Variants in CBLB observed in about 807,000 individuals in gnomAD.
The protein encoded by CBLB is E3 ubiquitin-protein ligase CBL-B.
CBLB carries 31 observed loss-of-function variants against 104.9 expected under a neutral mutation model. That is an observed-to-expected ratio of 0.30 (90% CI 0.22 to 0.40). CBLB has a LOEUF of 0.40. Among genes scored for constraint, CBLB ranks in the 10% least tolerant of loss-of-function variants. CBLB has a pLI of 1.00. For synonymous variants in CBLB, 440 were observed against 422.6 expected, an observed-to-expected ratio of 1.04 and a Z score of -0.51; for missense variants, 1,062 against 1,214.6, an observed-to-expected ratio of 0.87 and a Z score of 1.87.
At chr3:105,788,743 G>A (rs2152990797) in intron 3 of CBLB, among the ~76,000 whole-genome samples, 1 of 152,244 alleles carries the variant, frequency 6.6e-6, no homozygotes, top group East Asian at 1.9e-4. Flanking sequence ...CCAACACAGG[G>A]GAGTCTATTT....
At chr3:105,676,470 A>C (rs1236350192) in intron 17 of CBLB, among the ~76,000 whole-genome samples, 2 of 152,204 alleles carry the variant, frequency 1.3e-5, no homozygotes, top group African/African-American at 4.8e-5. Context: ...GAAAAGCCAC[A>C]TCATCAAAGT....
chr3:105,693,520 T>C lies in CBLB; in HGVS notation c.2028A>G (p.Pro676=). The C allele has an allele frequency of 1.9e-6, 3 of 1,611,562 alleles. No individual in the cohort carries two copies. The highest frequency in any genetic ancestry group is 2.5e-6 in the Non-Finnish European group (3 of 1,178,042). ...DVPPRLSPPP[P]VTTLLPSIKC... ...TTATGCTAGGGAGGAGGGTGGTAAC[T>C]GGAGGAGGAGGAGAAAGCCGGGGAG... is the stretch of plus-strand genomic sequence containing the variant. The change falls in exon 13 of 19, where the codon CCA becomes CCG. Residue 676 remains proline, a synonymous_variant. Coordinates refer to ENST00000394030, the MANE Select transcript of CBLB (RefSeq NM_170662.5).
At chr3:105,678,400 T>C (rs1304357960) in intron 17 of CBLB, 31 bp downstream of exon 17, 1 of 1,609,052 alleles carries the variant, frequency 6.2e-7, no homozygotes, top group Non-Finnish European at 8.5e-7. Flanking sequence ...TTGCTTTAAG[T>C]GAATAGTTTT....
At chr3:105,691,313 G>C (rs1248976872) in intron 13 of CBLB, among the ~76,000 whole-genome samples, 1 of 152,162 alleles carries the variant, frequency 6.6e-6, no homozygotes, top group Non-Finnish European at 1.5e-5. Flanking sequence ...TATTTCTCTA[G>C]TTAAGTGAAA....
At chr3:105,727,391 A>G (rs1210999881) in intron 9 of CBLB, among the ~76,000 whole-genome samples, 1 of 150,128 alleles carries the variant, frequency 6.7e-6, no homozygotes, top group Non-Finnish European at 1.5e-5. Context: ...CCACTTTTTG[A>G]CTTTGTTTTT....
At chr3:105,774,128 G>C (rs2079188860) in intron 4 of CBLB, among the ~76,000 whole-genome samples, 1 of 152,188 alleles carries the variant, frequency 6.6e-6, no homozygotes, top group Non-Finnish European at 1.5e-5. Context: ...TCTGTTTTAG[G>C]AAAGAATGCT....
intron 18 of CBLB, among the ~76,000 whole-genome samples, chr3:105,660,415 C>T (rs1353583230): frequency 6.6e-6 from 1 of 151,836 alleles, no homozygotes; most frequent in Non-Finnish European, 1.5e-5. Context: ...TGGTCTTGAA[C>T]TCCTGACCTC....
intron 3 of CBLB, among the ~76,000 whole-genome samples, chr3:105,824,861 C>T (rs2086363385): frequency 2.0e-5 from 3 of 152,178 alleles, no homozygotes; most frequent in South Asian, 4.1e-4. Context: ...CTTGTTTAGA[C>T]TTAGACCTAC....
At chr3:105,754,529 G>GGGAGAGAC (rs2076891855) in intron 4 of CBLB, among the ~76,000 whole-genome samples, 3 of 84,610 alleles carry the variant, frequency 3.5e-5, no homozygotes, top group Admixed American at 1.4e-4. Flanking sequence ...GAGACAGAGA[G>GGGAGAGAC]AGAGAGAGAG....
chr3:105,772,783 C>A (rs2079011951), intron 4 of CBLB, among the ~76,000 whole-genome samples: 1 of 152,178 alleles, frequency 6.6e-6, no homozygotes, highest in Non-Finnish European at 1.5e-5. Flanking sequence ...CATCACTAAT[C>A]ATCGGGGAAA....
At chr3:105,809,708 T>C (rs1428905071) in intron 3 of CBLB, among the ~76,000 whole-genome samples, 2 of 152,194 alleles carry the variant, frequency 1.3e-5, no homozygotes, top group Non-Finnish European at 2.9e-5. Context: ...TGCCAAACAC[T>C]GTTCTTATTG....
Position 105,868,846 on chromosome 3 carries a change from A to T in CBLB, c.-125T>A. On this transcript the variant is annotated 5_prime_UTR_variant, in exon 1 of 19. Transcript: ENST00000394030. ...GGCTGGGAGTGGGATCGCTGAGAAC[A>T]GCTCGCTCCCGAAGAAGGAGCAACC... The T allele has an allele frequency of 9.9e-7, 1 of 1,008,528 alleles. No homozygotes were observed. The highest frequency in any genetic ancestry group is 6.0e-5 in the Admixed American group (1 of 16,730). The allele number at this position is 1,008,528 out of a possible 1,614,324, so 62.5% of individuals were successfully genotyped here. A position where few individuals can be genotyped will look rare whatever the true frequency, so the allele number is the denominator to read the frequency against.
At chr3:105,660,319 C>T (rs978588926) in intron 18 of CBLB, among the ~76,000 whole-genome samples, 1 of 151,916 alleles carries the variant, frequency 6.6e-6, no homozygotes, top group Non-Finnish European at 1.5e-5. Context: ...TCCCAAGTAG[C>T]TGGGATTACA....
Position 105,839,721 on chromosome 3 carries a change from T to C in CBLB, c.419+13693A>G, listed in dbSNP as rs150273349. ...TGAGCATGGCTCCGCCATTGAAAAT[T>C]TACTCACAGAAGGAAATACAACCTG... On this transcript the variant is annotated intron_variant, in intron 3 of 18. Transcript: ENST00000394030. 1.4e-3 allele frequency among the ~76,000 whole-genome samples: 207 copies of C among 152,342 alleles called. 1 individual carries two copies. Among genetic ancestry groups the C allele is most frequent in the Admixed American group, 0.011 (171 of 15,304 alleles).
intron 8 of CBLB, 102 bp from the exon 9 acceptor site, chr3:105,734,242 A>C: frequency 1.4e-3 from 1,489 of 1,102,792 alleles, no homozygotes; most frequent in Non-Finnish European, 1.9e-3. Context: ...TCAATATCTC[A>C]CAATTGACCT....
chr3:105,864,299 C>A (rs745811677), intron 2 of CBLB, among the ~76,000 whole-genome samples: 2 of 152,178 alleles, frequency 1.3e-5, no homozygotes, highest in Non-Finnish European at 2.9e-5. Context: ...TCTTGTCTAG[C>A]TTCATATCCC....
At position 105,796,620 on chromosome 3, in the gene CBLB, A is replaced by C. The variant is rs141143758; in HGVS notation, c.420-20078T>G. Among the ~76,000 whole-genome samples, 977 of 152,350 alleles carry C rather than the reference A, an allele frequency of 6.4e-3. 31 individuals carry two copies. Among genetic ancestry groups the C allele is most frequent in the East Asian group, 0.052 (272 of 5,186 alleles). On this transcript the variant is annotated intron_variant, in intron 3 of 18. Coordinates refer to ENST00000394030, the MANE Select transcript of CBLB (RefSeq NM_170662.5). ...CTTAATTAAAGAGCTTCTGCACAGC[A>C]AAAGAAACTATCAACAGAGTAAACA...
Position 105,737,235 on chromosome 3 carries a change from C to T in CBLB, c.1007G>A (p.Ser336Asn), listed in dbSNP as rs754964240. The change falls in exon 8 of 19, where the codon AGT (serine) becomes AAT (asparagine). Residue 336 changes from serine (S) to asparagine (N), a missense_variant. Coordinates refer to ENST00000394030, the MANE Select transcript of CBLB (RefSeq NM_170662.5). ...EGFYLYPDGR[S>N]YNPDLTGLCE... is the part of the protein sequence containing the mutation. ...TAATCCAGTTAAATCAGGATTATAA[C>T]TCCTCCCATCAGGATAAAGATAACT... The T allele has an allele frequency of 6.3e-6, 10 of 1,576,974 alleles. No homozygotes were observed. In the Admixed American group the frequency reaches 1.2e-4, roughly 19 times the overall value.
At chr3:105,737,381 C>A in intron 7 of CBLB, 123 bp from the exon 8 acceptor site, 1 of 517,790 alleles carries the variant, frequency 1.9e-6, no homozygotes, top group South Asian at 2.9e-5. Flanking sequence ...TGTAACATAT[C>A]AATAACATAT....
Sources: gnomAD v4.1 joint callset for allele counts (sites outside exome capture counted in the v4.1 genomes callset) on GRCh38, gnomAD v4.1.1 for gene constraint, MANE v1.5 for transcripts, NCBI Gene and HGNC (gene_info 2026-07-23, HGNC 2026-07-21) for gene names.